LRRC4C: variants seen among roughly 807,000 people sequenced by gnomAD.
LRRC4C encodes the protein leucine rich repeat containing 4C.
A neutral mutation model predicts 33.6 loss-of-function variants in LRRC4C; 5 were observed. That is an observed-to-expected ratio of 0.15 (90% CI 0.08 to 0.31). The LOEUF is 0.31. Ranked by LOEUF, LRRC4C falls within the 10% of genes least tolerant of loss-of-function variation. The probability of loss-of-function intolerance (pLI) is 1.00; values close to 1 mark genes in which losing one functional copy is unlikely to be tolerated. For synonymous variants in LRRC4C, 329 were observed against 302.0 expected, an observed-to-expected ratio of 1.09 and a Z score of -0.93; for missense variants, 560 against 796.7, an observed-to-expected ratio of 0.70 and a Z score of 3.58.
At chr11:41,448,122 GTTTTT>G (rs71063918) in intron 1 of LRRC4C, among the ~76,000 whole-genome samples, 10 of 46,948 alleles carry the variant, frequency 2.1e-4, no homozygotes, top group African/African-American at 5.4e-4. Context: ...GCACACGTCT[GTTTTT>G]TTTTTTTTTT....
intron 1 of LRRC4C, among the ~76,000 whole-genome samples, chr11:41,407,582 A>C (rs750309667): frequency 6.6e-6 from 1 of 152,146 alleles, no homozygotes; most frequent in Non-Finnish European, 1.5e-5. Flanking sequence ...GATTACAGTC[A>C]TGAGCCACTG....
intron 3 of LRRC4C, among the ~76,000 whole-genome samples, chr11:40,641,668 C>T (rs1942130009): frequency 1.3e-5 from 2 of 152,158 alleles, no homozygotes; most frequent in South Asian, 4.1e-4. Context: ...CAGCAATCCC[C>T]TTGCCTTGCA....
At chr11:40,725,168 C>T (rs1017486924) in intron 2 of LRRC4C, among the ~76,000 whole-genome samples, 1 of 152,164 alleles carries the variant, frequency 6.6e-6, no homozygotes, top group Non-Finnish European at 1.5e-5. Flanking sequence ...TGATAAGAAC[C>T]TGATCATCTT....
At chr11:40,317,715 A>G (rs546715558) in intron 4 of LRRC4C, among the ~76,000 whole-genome samples, 1 of 152,230 alleles carries the variant, frequency 6.6e-6, no homozygotes, top group South Asian at 2.1e-4. Flanking sequence ...TTATTAGTTC[A>G]CATATGGTTT....
intron 3 of LRRC4C, among the ~76,000 whole-genome samples, chr11:40,453,480 A>C (rs1372788574): frequency 6.6e-6 from 1 of 152,122 alleles, no homozygotes; most frequent in South Asian, 2.1e-4. Context: ...GAAATAATTA[A>C]TACCAATTCT....
In LRRC4C at chr11:40,118,874, A is replaced by C. The variant is rs1310942128; in HGVS notation, c.-42-2540T>G. ...ATCAGCTTTGTTTTGAAAAATGATA[A>C]TGAGAGGTTAATATGGGGCACAGAC... On this transcript the variant is annotated intron_variant, in intron 6 of 6. Coordinates refer to ENST00000528697, the MANE Select transcript of LRRC4C (RefSeq NM_001258419.2). Among the ~76,000 whole-genome samples, 3 of 152,170 alleles carry C rather than the reference A, an allele frequency of 2.0e-5. No individual in the cohort carries two copies. In the South Asian group the frequency reaches 6.2e-4, roughly 31 times the overall value.
chr11:41,090,037 C>A (rs1186932000), intron 1 of LRRC4C, among the ~76,000 whole-genome samples: 2 of 151,752 alleles, frequency 1.3e-5, no homozygotes, highest in Non-Finnish European at 1.5e-5. Context: ...CATGGAAAGA[C>A]TAAATGTCCA....
At chr11:40,646,541 A>T (rs920611576) in intron 3 of LRRC4C, among the ~76,000 whole-genome samples, 10 of 152,182 alleles carry the variant, frequency 6.6e-5, no homozygotes, top group Non-Finnish European at 1.5e-4. Context: ...AAATAGAAAG[A>T]CCAAGTTTGA....
chr11:41,072,786 C>T (rs992259543), intron 1 of LRRC4C, among the ~76,000 whole-genome samples: 1 of 152,178 alleles, frequency 6.6e-6, no homozygotes, highest in African/African-American at 2.4e-5. Flanking sequence ...TTCCATAACT[C>T]CACAGCCTCA....
intron 1 of LRRC4C, among the ~76,000 whole-genome samples, chr11:41,159,150 C>T (rs1401101662): frequency 1.3e-5 from 2 of 151,960 alleles, no homozygotes; most frequent in African/African-American, 4.8e-5. Flanking sequence ...ACTAGCCAGG[C>T]ATGGTAGCAT....
At chr11:41,280,466 T>C (rs1949626654) in intron 1 of LRRC4C, among the ~76,000 whole-genome samples, 1 of 152,228 alleles carries the variant, frequency 6.6e-6, no homozygotes, top group South Asian at 2.1e-4. Flanking sequence ...AAGCCTGGCA[T>C]TAATAATATA....
At chr11:40,543,775 T>G (rs769984351) in intron 3 of LRRC4C, among the ~76,000 whole-genome samples, 11 of 152,164 alleles carry the variant, frequency 7.2e-5, no homozygotes, top group Non-Finnish European at 1.2e-4. Context: ...ATGACAAAGA[T>G]ATGACTCTCT....
chr11:40,266,913 GTA>G (rs1215191600), intron 4 of LRRC4C, among the ~76,000 whole-genome samples: 5 of 151,958 alleles, frequency 3.3e-5, no homozygotes, highest in Non-Finnish European at 7.4e-5. Flanking sequence ...GGATTTCGGT[GTA>G]TGTTTGTTCT....
At chr11:40,996,525 TG>T (rs1156579427) in intron 1 of LRRC4C, among the ~76,000 whole-genome samples, 3 of 152,172 alleles carry the variant, frequency 2.0e-5, no homozygotes, top group Middle Eastern at 3.2e-3. Flanking sequence ...AGATAATTGA[TG>T]GTACTATTCC....
intron 1 of LRRC4C, among the ~76,000 whole-genome samples, chr11:40,999,774 A>C (rs1305896848): frequency 1.3e-5 from 2 of 152,130 alleles, no homozygotes; most frequent in Non-Finnish European, 2.9e-5. Flanking sequence ...TTACTTAGGT[A>C]AGCCTAAAGT....
chr11:40,329,818 T>C (rs996699849), intron 3 of LRRC4C, among the ~76,000 whole-genome samples: 1 of 150,314 alleles, frequency 6.7e-6, no homozygotes, highest in Admixed American at 6.6e-5. Flanking sequence ...CTTGGCTCGC[T>C]GCAACATCTG....
rs753371040 is a variant in LRRC4C at position 40,578,139 on chromosome 11, CGG to C, written c.-270+70001_-270+70002del. On this transcript the variant is annotated intron_variant, in intron 3 of 6. Transcript: ENST00000528697. ...GTGATATTATTGGACTTTTTTTTTT[CGG>C]TTTTTTTTTTTTTTTTTTTTTTTTT... Among the ~76,000 whole-genome samples, 44 of 6,136 alleles carry C rather than the reference CGG, an allele frequency of 7.2e-3. 8 individuals are homozygous for C. Among genetic ancestry groups the C allele is most frequent in the African/African-American group, 0.012 (14 of 1,146 alleles). 4.0% of individuals were successfully genotyped at this position (6,136 alleles called of 152,430 possible). A position where few individuals can be genotyped will look rare whatever the true frequency, so the allele number is the denominator to read the frequency against.
intron 3 of LRRC4C, among the ~76,000 whole-genome samples, chr11:40,561,627 T>G (rs1591111457): frequency 1.3e-5 from 2 of 151,870 alleles, no homozygotes; most frequent in African/African-American, 4.8e-5. Context: ...TTAGCTAGGA[T>G]GGTCTCGATC....
At chr11:40,807,444 T>A (rs1223712186) in intron 2 of LRRC4C, among the ~76,000 whole-genome samples, 1 of 149,022 alleles carries the variant, frequency 6.7e-6, no homozygotes, top group Non-Finnish European at 1.5e-5. Flanking sequence ...TCTTCACTGA[T>A]CCCTCTCTCT....
Sources: gnomAD v4.1 joint callset for allele counts (sites outside exome capture counted in the v4.1 genomes callset) on GRCh38, gnomAD v4.1.1 for gene constraint, MANE v1.5 for transcripts, NCBI Gene and HGNC (gene_info 2026-07-23, HGNC 2026-07-21) for gene names.